The following GABRB1 variants were observed in gnomAD, a reference collection of about 807,000 sequenced individuals.
The protein encoded by GABRB1 is gamma-aminobutyric acid receptor subunit beta-1.
GABRB1 carries 17 observed loss-of-function variants against 51.6 expected under a neutral mutation model. That is an observed-to-expected ratio of 0.33 (90% CI 0.23 to 0.49). The LOEUF (loss-of-function observed/expected upper bound fraction) is 0.49, where lower values mean the gene tolerates loss of function less well. Ranked by LOEUF, GABRB1 falls within the 20% of genes least tolerant of loss-of-function variation. GABRB1 has a pLI of 0.99. For missense variants in GABRB1, 410 were observed against 600.6 expected (o/e 0.68, Z 3.32); for synonymous variants, 247 against 218.9 (o/e 1.13, Z -1.14).
At chr4:47,076,449 G>A (rs573675849) in intron 3 of GABRB1, among the ~76,000 whole-genome samples, 1 of 152,148 alleles carries the variant, frequency 6.6e-6, no homozygotes, top group African/African-American at 2.4e-5. Flanking sequence ...AGTTGGATTT[G>A]TTAACCAGCC....
At chr4:47,123,254 T>A (rs1715866147) in intron 3 of GABRB1, among the ~76,000 whole-genome samples, 1 of 144,762 alleles carries the variant, frequency 6.9e-6, no homozygotes, top group Non-Finnish European at 1.5e-5. Context: ...TACATACATA[T>A]GTGTATGTGT....
chr4:47,091,330 A>G (rs1474636925), intron 3 of GABRB1, among the ~76,000 whole-genome samples: 3 of 152,104 alleles, frequency 2.0e-5, no homozygotes, highest in Admixed American at 2.0e-4. Context: ...AAATTTTCTG[A>G]TATATTGGCT....
chr4:47,298,868 A>G (rs1724125259), intron 4 of GABRB1, among the ~76,000 whole-genome samples: 1 of 152,106 alleles, frequency 6.6e-6, no homozygotes, highest in Non-Finnish European at 1.5e-5. Context: ...CCAAAACAGC[A>G]TGGTACTGGT....
intron 4 of GABRB1, among the ~76,000 whole-genome samples, chr4:47,312,874 A>G (rs1357029685): frequency 1.3e-5 from 2 of 152,080 alleles, no homozygotes; most frequent in Non-Finnish European, 1.5e-5. Flanking sequence ...GTGTGTGTGT[A>G]AAAACCTAGG....
At chr4:47,191,499 T>C (rs777987561) in intron 4 of GABRB1, among the ~76,000 whole-genome samples, 7 of 152,204 alleles carry the variant, frequency 4.6e-5, no homozygotes, top group Admixed American at 6.6e-5. Context: ...ATACATGGAT[T>C]ATGGTACAGA....
intron 4 of GABRB1, among the ~76,000 whole-genome samples, chr4:47,304,784 G>A (rs1724385361): frequency 6.6e-6 from 1 of 152,020 alleles, no homozygotes; most frequent in Non-Finnish European, 1.5e-5. Flanking sequence ...TTTTATGTAT[G>A]GAGCTACTAA....
At chr4:47,411,515 TG>T (rs1227851785) in intron 8 of GABRB1, among the ~76,000 whole-genome samples, 1 of 152,160 alleles carries the variant, frequency 6.6e-6, no homozygotes, top group Non-Finnish European at 1.5e-5. Context: ...GGATGTGGGA[TG>T]GGTATGACTG....
intron 5 of GABRB1, among the ~76,000 whole-genome samples, chr4:47,340,984 C>T (rs1725871062): frequency 6.6e-6 from 1 of 152,180 alleles, no homozygotes; most frequent in African/African-American, 2.4e-5. Flanking sequence ...GCAAGCCACA[C>T]AGCCAGGGAG....
At chr4:47,106,177 C>T (rs992061720) in intron 3 of GABRB1, among the ~76,000 whole-genome samples, 3 of 151,982 alleles carry the variant, frequency 2.0e-5, no homozygotes, top group Non-Finnish European at 4.4e-5. Flanking sequence ...ATCCATACAG[C>T]AACATTTTAA....
chr4:47,139,490 G>A (rs1320310263), intron 3 of GABRB1, among the ~76,000 whole-genome samples: 1 of 152,000 alleles, frequency 6.6e-6, no homozygotes, highest in East Asian at 1.9e-4. Context: ...TGGAGAAAGT[G>A]AAGATCTCTA....
chr4:47,099,704 T>C (rs986266204), intron 3 of GABRB1, among the ~76,000 whole-genome samples: 5 of 151,998 alleles, frequency 3.3e-5, no homozygotes, highest in Non-Finnish European at 5.9e-5. Flanking sequence ...GCTGGTGAGT[T>C]GTAGAGCAGG....
chr4:47,310,366 C>T (rs1724626956), intron 4 of GABRB1, among the ~76,000 whole-genome samples: 1 of 152,088 alleles, frequency 6.6e-6, no homozygotes, highest in African/African-American at 2.4e-5. Flanking sequence ...TTGCTGTAGC[C>T]AATGCTTACA....
At chr4:47,059,256 G>C (rs1332190307) in intron 3 of GABRB1, among the ~76,000 whole-genome samples, 1 of 152,200 alleles carries the variant, frequency 6.6e-6, no homozygotes, top group African/African-American at 2.4e-5. Flanking sequence ...GGATGAGGGA[G>C]CATGCTGTTT....
At chr4:47,144,584 A>G (rs1218547582) in intron 3 of GABRB1, among the ~76,000 whole-genome samples, 1 of 151,970 alleles carries the variant, frequency 6.6e-6, no homozygotes, top group African/African-American at 2.4e-5. Context: ...TCTTTATTAC[A>G]TTATTTAAAT....
intron 1 of GABRB1, among the ~76,000 whole-genome samples, chr4:46,999,865 A>T (rs1306657851): frequency 1.3e-5 from 2 of 152,202 alleles, no homozygotes; most frequent in African/African-American, 2.4e-5. Flanking sequence ...CCAAATTTGC[A>T]CATGGGACCC....
intron 4 of GABRB1, among the ~76,000 whole-genome samples, chr4:47,246,556 A>G (rs1348299337): frequency 6.6e-6 from 1 of 150,400 alleles, no homozygotes; most frequent in Non-Finnish European, 1.5e-5. Flanking sequence ...TAGTAGAACT[A>G]CTGGGTCAAA....
At chr4:47,043,623 C>T (rs1277564709) in intron 3 of GABRB1, among the ~76,000 whole-genome samples, 1 of 151,936 alleles carries the variant, frequency 6.6e-6, no homozygotes, top group Non-Finnish European at 1.5e-5. Flanking sequence ...AGATATGAGC[C>T]AAAACTCAAA....
intron 1 of GABRB1, among the ~76,000 whole-genome samples, chr4:47,008,853 C>CTTTTTTTTTTTTTT (rs1491180948): frequency 1.2e-5 from 1 of 80,066 alleles, no homozygotes; most frequent in Non-Finnish European, 2.2e-5. Flanking sequence ...CAGATACTAC[C>CTTTTTTTTTTTTTT]TTTTTTTTTT....
chr4:47,358,885 G>C lies in GABRB1; in HGVS notation c.544+38676G>C, dbSNP rs548808043. On this transcript the variant is annotated intron_variant, in intron 5 of 8. Coordinates refer to ENST00000295454, the MANE Select transcript of GABRB1 (RefSeq NM_000812.4). ...GGTGATATATCTATAGTTTGTGTGG[G>C]GACCCCCGGTGTTTTTCAAATACCA... Among the ~76,000 whole-genome samples the C allele has an allele frequency of 3.3e-5, 5 of 152,096 alleles. No homozygotes were observed. In the South Asian group the frequency reaches 1.0e-3, roughly 32 times the overall value.
Sources: allele counts gnomAD v4.1 joint callset (sites outside exome capture counted in the v4.1 genomes callset), GRCh38; gene constraint gnomAD v4.1.1; transcripts MANE v1.5; gene names NCBI Gene and HGNC (gene_info 2026-07-23, HGNC 2026-07-21).